CDH12: variants seen among roughly 807,000 people sequenced by gnomAD.
The protein encoded by CDH12 is cadherin-12.
Under a neutral mutation model 74.1 loss-of-function variants are expected in CDH12, and 41 were observed. That is an observed-to-expected ratio of 0.55 (90% CI 0.43 to 0.72). The LOEUF is 0.72. CDH12 is among the 30% of genes least tolerant of loss of function. The probability of loss-of-function intolerance (pLI) is 0.00; values close to 1 mark genes in which losing one functional copy is unlikely to be tolerated. For missense variants in CDH12, 945 were observed against 977.2 expected (o/e 0.97, Z 0.44); for synonymous variants, 399 against 355.0 (o/e 1.12, Z -1.39).
At chr5:21,906,711 T>C (rs1753656952) in intron 6 of CDH12, among the ~76,000 whole-genome samples, 1 of 152,232 alleles carries the variant, frequency 6.6e-6, no homozygotes, top group African/African-American at 2.4e-5. Context: ...TGTAGATACA[T>C]CCAGCCATGT....
At chr5:22,667,173 C>A (rs765998469) in intron 1 of CDH12, among the ~76,000 whole-genome samples, 4 of 119,102 alleles carry the variant, frequency 3.4e-5, no homozygotes, top group Non-Finnish European at 6.7e-5. Context: ...CCCCAAATTT[C>A]TTCTTTTTTC....
intron 5 of CDH12, among the ~76,000 whole-genome samples, chr5:22,075,697 C>A (rs552847821): frequency 6.6e-6 from 1 of 151,920 alleles, no homozygotes; most frequent in African/African-American, 2.4e-5. Context: ...CAGAAGGCTA[C>A]GAGTAGTTAA....
intron 1 of CDH12, among the ~76,000 whole-genome samples, chr5:22,746,075 T>A (rs560891204): frequency 6.6e-6 from 1 of 152,080 alleles, no homozygotes; most frequent in Admixed American, 6.5e-5. Flanking sequence ...AATTGGTTCA[T>A]CTGTCAATTG....
At chr5:22,280,343 G>A (rs1736822314) in intron 3 of CDH12, among the ~76,000 whole-genome samples, 1 of 152,038 alleles carries the variant, frequency 6.6e-6, no homozygotes. Context: ...ACATTCAAAA[G>A]CTAGCAGAAG....
chr5:22,408,273 C>T (rs1743022549), intron 2 of CDH12, among the ~76,000 whole-genome samples: 1 of 148,530 alleles, frequency 6.7e-6, no homozygotes, highest in African/African-American at 2.6e-5. Context: ...GAGACAATTG[C>T]TTTTAGGGGT....
chr5:22,264,318 G>A lies in CDH12; in HGVS notation c.-332-51675C>T, dbSNP rs150937340. ...ATATGTGATTTAATAGCTGTAAAAT[G>A]GAACTTCATTCCTTTGAAAAATCAT... On this transcript the variant is annotated intron_variant, in intron 3 of 14. Coordinates refer to ENST00000382254, the MANE Select transcript of CDH12 (RefSeq NM_004061.5). 6.6e-5 allele frequency among the ~76,000 whole-genome samples: 10 copies of A among 151,922 alleles called. No individual in the cohort carries two copies. The East Asian group carries it at 1.2e-3, about 18-fold the overall frequency.
At chr5:22,577,138 G>A (rs1739832595) in intron 1 of CDH12, among the ~76,000 whole-genome samples, 1 of 152,124 alleles carries the variant, frequency 6.6e-6, no homozygotes, top group African/African-American at 2.4e-5. Context: ...GGCGGCTTGG[G>A]GAGTACCCAG....
chr5:22,394,535 T>C (rs115348973), intron 3 of CDH12, among the ~76,000 whole-genome samples: 2 of 152,126 alleles, frequency 1.3e-5, no homozygotes, highest in Non-Finnish European at 2.9e-5. Context: ...TGGAATCTCA[T>C]GCCCACAGGA....
chr5:22,275,288 T>G (rs1219610347), intron 3 of CDH12, among the ~76,000 whole-genome samples: 2 of 150,514 alleles, frequency 1.3e-5, no homozygotes, highest in African/African-American at 4.9e-5. Flanking sequence ...AAACTTAAAG[T>G]ACAATAATAA....
At chr5:22,752,393 A>C (rs1392289645) in intron 1 of CDH12, among the ~76,000 whole-genome samples, 1 of 151,804 alleles carries the variant, frequency 6.6e-6, no homozygotes, top group Non-Finnish European at 1.5e-5. Flanking sequence ...AGTTTCATGA[A>C]GCATGATACC....
chr5:21,986,257 A>G (rs1282516628), intron 5 of CDH12, among the ~76,000 whole-genome samples: 1 of 152,200 alleles, frequency 6.6e-6, no homozygotes, highest in African/African-American at 2.4e-5. Context: ...GTGCTAGGAT[A>G]TATTACACAT....
In CDH12 at chr5:21,910,689, T is replaced by TA. The variant is rs1396796095; in HGVS notation, c.527-55900dup. Among the ~76,000 whole-genome samples, 6 of 151,382 alleles carry TA rather than the reference T, an allele frequency of 4.0e-5. No homozygotes were observed. In the South Asian group the frequency reaches 6.3e-4, roughly 16 times the overall value. On this transcript the variant is annotated intron_variant, in intron 6 of 14. Coordinates refer to ENST00000382254, the MANE Select transcript of CDH12 (RefSeq NM_004061.5). ...GGTAGGATTTATCTTTTTTTTTTTTTAATCAAAAGAATCAGTAGAGAATGC... is the reference window on the plus strand; with the variant it reads ...GGTAGGATTTATCTTTTTTTTTTTTTAAATCAAAAGAATCAGTAGAGAATGC...
chr5:22,056,284 C>A (rs946228295), intron 5 of CDH12, among the ~76,000 whole-genome samples: 5 of 152,072 alleles, frequency 3.3e-5, no homozygotes, highest in African/African-American at 1.2e-4. Flanking sequence ...GACCTGAATT[C>A]CCTAATATAT....
chr5:22,382,728 G>A (rs762855283), intron 3 of CDH12, among the ~76,000 whole-genome samples: 4 of 152,004 alleles, frequency 2.6e-5, no homozygotes, highest in Non-Finnish European at 4.4e-5. Flanking sequence ...TAGTAAAAAC[G>A]GAATTTAGTA....
intron 6 of CDH12, among the ~76,000 whole-genome samples, chr5:21,903,869 A>G (rs1045110301): frequency 2.0e-5 from 3 of 152,272 alleles, no homozygotes; most frequent in East Asian, 3.9e-4. Context: ...AAGTATCTGA[A>G]TAGTAGTTCC....
chr5:22,562,000 A>G (rs995773723), intron 1 of CDH12, among the ~76,000 whole-genome samples: 1 of 152,222 alleles, frequency 6.6e-6, no homozygotes, highest in African/African-American at 2.4e-5. Flanking sequence ...CAGTGTATAA[A>G]AATGTTTTCA....
At chr5:22,179,847 G>C (rs1749540488) in intron 4 of CDH12, among the ~76,000 whole-genome samples, 1 of 152,146 alleles carries the variant, frequency 6.6e-6, no homozygotes, top group Non-Finnish European at 1.5e-5. Flanking sequence ...TGACAAATGT[G>C]TGTCATCTGC....
chr5:22,432,774 T>A (rs145364533), intron 2 of CDH12, among the ~76,000 whole-genome samples: 9 of 152,286 alleles, frequency 5.9e-5, no homozygotes, highest in African/African-American at 2.2e-4. Context: ...TACCTTTTTA[T>A]AATTTAGTAT....
At chr5:22,555,824 A>G (rs1480468709) in intron 1 of CDH12, among the ~76,000 whole-genome samples, 1 of 152,038 alleles carries the variant, frequency 6.6e-6, no homozygotes, top group Non-Finnish European at 1.5e-5. Context: ...GCAGTTTATT[A>G]AAAACATGCA....
Sources: allele counts gnomAD v4.1 joint callset (sites outside exome capture counted in the v4.1 genomes callset), GRCh38; gene constraint gnomAD v4.1.1; transcripts MANE v1.5; gene names NCBI Gene and HGNC (gene_info 2026-07-23, HGNC 2026-07-21).